Variants in CREB3L3 observed in about 807,000 individuals in gnomAD.
The protein encoded by CREB3L3 is cyclic AMP-responsive element-binding protein 3-like protein 3.
CREB3L3 carries 40 observed loss-of-function variants against 44.6 expected under a neutral mutation model. That is an observed-to-expected ratio of 0.90 (90% CI 0.70 to 1.17). The LOEUF (loss-of-function observed/expected upper bound fraction) is 1.17. Ranked by LOEUF, CREB3L3 falls within the 50% of genes most tolerant of loss-of-function variation. The pLI, the probability that CREB3L3 is intolerant of heterozygous loss-of-function variation, is 0.00. For synonymous variants in CREB3L3, 273 were observed against 256.3 expected, an observed-to-expected ratio of 1.06 and a Z score of -0.62; for missense variants, 578 against 595.8, an observed-to-expected ratio of 0.97 and a Z score of 0.31.
chr19:4,164,364 T>A (rs2041698640), intron 4 of CREB3L3, 139 bp from the exon 5 acceptor site: 1 of 1,020,624 alleles, frequency 9.8e-7, no homozygotes, highest in African/African-American at 1.6e-5. Context: ...TGCCTCAGCC[T>A]CTCTAAGTGC....
chr19:4,170,860 G>GC (rs1210108718), intron 7 of CREB3L3, among the ~76,000 whole-genome samples: 2 of 151,604 alleles, frequency 1.3e-5, no homozygotes, highest in South Asian at 2.1e-4. Flanking sequence ...GCAGTGAGCT[G>GC]CCATCCCACC....
At chr19:4,169,371 T>C (rs1428365220) in intron 6 of CREB3L3, among the ~76,000 whole-genome samples, 1 of 151,716 alleles carries the variant, frequency 6.6e-6, no homozygotes, top group Admixed American at 6.6e-5. Flanking sequence ...TCCCAGCTAC[T>C]CGGGAGGCTG....
intron 4 of CREB3L3, among the ~76,000 whole-genome samples, chr19:4,160,722 A>G (rs1264571775): frequency 6.9e-6 from 1 of 145,324 alleles, no homozygotes; most frequent in African/African-American, 2.5e-5. Context: ...GGCCTGGCTA[A>G]TTTTGTTTTT....
chr19:4,159,635 C>A, intron 3 of CREB3L3, 29 bp from the exon 4 acceptor site: 1 of 1,032,836 alleles, frequency 9.7e-7, no homozygotes, highest in Non-Finnish European at 1.5e-6. Context: ...GACACTCTCC[C>A]TGTCTCCGTC....
chr19:4,161,765 TG>T (rs1390216906), intron 4 of CREB3L3, among the ~76,000 whole-genome samples: 1 of 152,190 alleles, frequency 6.6e-6, no homozygotes, highest in Admixed American at 6.6e-5. Flanking sequence ...AAGGCCAGGG[TG>T]CCCCTGGCAA....
chr19:4,156,280 C>T (rs1175680913), intron 2 of CREB3L3, among the ~76,000 whole-genome samples: 5 of 151,732 alleles, frequency 3.3e-5, no homozygotes, highest in Non-Finnish European at 7.4e-5. Flanking sequence ...CCCCACCTCC[C>T]AGGTTCAAGT....
intron 4 of CREB3L3, among the ~76,000 whole-genome samples, chr19:4,160,755 A>G (rs951602983): frequency 1.3e-5 from 2 of 148,510 alleles, no homozygotes; most frequent in Non-Finnish European, 3.0e-5. Context: ...TTTTTTTGAG[A>G]TGGCGTCTTG....
At chr19:4,162,782 C>T (rs922249576) in intron 4 of CREB3L3, among the ~76,000 whole-genome samples, 1 of 151,892 alleles carries the variant, frequency 6.6e-6, no homozygotes, top group African/African-American at 2.4e-5. Flanking sequence ...AGTTTGAGAC[C>T]AGCCTGGGCA....
chr19:4,171,024 C>T lies in CREB3L3; in HGVS notation c.891-67C>T, dbSNP rs1198344401. ...GGACTTTAGCGGGGCTGGGGGACCC[C>T]GGAAATGGACGAGAAGCAGAACCGA... On this transcript the variant is annotated intron_variant, in intron 7 of 9. Coordinates refer to ENST00000078445, the MANE Select transcript of CREB3L3 (RefSeq NM_032607.3). The surrounding 1 kb of genome is among the most constrained non-coding windows in gnomAD (Gnocchi z 4.9). 5.4e-6 allele frequency: 7 copies of T among 1,297,096 alleles called. No individual in the cohort carries two copies. The highest frequency in any genetic ancestry group is 2.9e-5 in the African/African-American group (2 of 68,608). 80.3% of individuals were successfully genotyped at this position (1,297,096 alleles called of 1,614,324 possible).
chr19:4,163,393 C>A (rs2041686965), intron 4 of CREB3L3, among the ~76,000 whole-genome samples: 1 of 146,424 alleles, frequency 6.8e-6, no homozygotes, highest in Non-Finnish European at 1.5e-5. Context: ...AGAACCCTGT[C>A]CATATGCCAT....
At chr19:4,155,568 G>A (rs1261640990) in intron 2 of CREB3L3, among the ~76,000 whole-genome samples, 2 of 151,788 alleles carry the variant, frequency 1.3e-5, no homozygotes, top group Non-Finnish European at 2.9e-5. Flanking sequence ...ATCCTGGCCA[G>A]GCTGGTCTTG....
At chr19:4,169,501 A>C (rs1302656178) in intron 6 of CREB3L3, among the ~76,000 whole-genome samples, 1 of 151,892 alleles carries the variant, frequency 6.6e-6, no homozygotes, top group Non-Finnish European at 1.5e-5. Context: ...AAACAAAAAA[A>C]GAAACTTGAG....
intron 1 of CREB3L3, 40 bp from the exon 2 acceptor site, chr19:4,154,859 G>A (rs1177207495): frequency 1.9e-6 from 3 of 1,612,898 alleles, no homozygotes; most frequent in African/African-American, 1.3e-5. Context: ...GGGAGGACAG[G>A]GGCTGTATGT....
At chr19:4,160,911 CTTTTTTTT>C (rs36008635) in intron 4 of CREB3L3, among the ~76,000 whole-genome samples, 3,370 of 51,022 alleles carry the variant, frequency 0.066, 514 homozygotes, top group African/African-American at 0.26. Context: ...TTTTTCTTTT[CTTTTTTTT>C]TTTTTTTTTT....
chr19:4,164,991 G>A (rs1448411021), intron 5 of CREB3L3, among the ~76,000 whole-genome samples: 1 of 152,076 alleles, frequency 6.6e-6, no homozygotes, highest in African/African-American at 2.4e-5. Context: ...TTCCAGGCGT[G>A]AGCCACCGCA....
intron 4 of CREB3L3, among the ~76,000 whole-genome samples, chr19:4,162,753 C>G (rs1206584590): frequency 6.7e-6 from 1 of 149,492 alleles, no homozygotes; most frequent in African/African-American, 2.5e-5. Flanking sequence ...CTGAAGTGGA[C>G]AGATTGCTTG....
chr19:4,171,074 C>A lies in CREB3L3; in HGVS notation c.891-17C>A. ...AGGCCCTTTAGGGCTCAGCGGAGGC[C>A]TGCCTGTCTCTCTAAGGTCCCTCTT... On this transcript the variant is annotated splice_polypyrimidine_tract_variant and intron_variant, in intron 7 of 9. Transcript: ENST00000078445. The surrounding 1 kb of genome is among the most constrained non-coding windows in gnomAD (Gnocchi z 4.9). 1 of 1,609,080 alleles carries A rather than the reference C, an allele frequency of 6.2e-7. No homozygotes were observed. Among genetic ancestry groups the A allele is most frequent in the Non-Finnish European group, 8.5e-7 (1 of 1,175,424 alleles).
intron 4 of CREB3L3, among the ~76,000 whole-genome samples, chr19:4,160,381 G>T (rs890898428): frequency 6.6e-6 from 1 of 151,284 alleles, no homozygotes; most frequent in African/African-American, 2.4e-5. Flanking sequence ...TCTTAAAAAA[G>T]TTTTTTTTGA....
At chr19:4,161,099 G>A (rs1180619325) in intron 4 of CREB3L3, among the ~76,000 whole-genome samples, 2 of 151,994 alleles carry the variant, frequency 1.3e-5, no homozygotes, top group African/African-American at 2.4e-5. Flanking sequence ...CTTTTTAGTA[G>A]AGATGGGGTT....
Sources: gnomAD v4.1 joint callset for allele counts (sites outside exome capture counted in the v4.1 genomes callset) on GRCh38, gnomAD v4.1.1 for gene constraint, Gnocchi (gnomAD v3.1) non-coding constraint, MANE v1.5 for transcripts, NCBI Gene and HGNC (gene_info 2026-07-23, HGNC 2026-07-21) for gene names.